The following KCNIP4 variants were observed in gnomAD, a reference collection of about 807,000 sequenced individuals.
The protein encoded by KCNIP4 is potassium voltage-gated channel interacting protein 4.
A neutral mutation model predicts 34.0 loss-of-function variants in KCNIP4; 12 were observed. The ratio of observed to expected loss-of-function variants is 0.35; its 90% confidence interval spans 0.23 to 0.57. The LOEUF is 0.57. Ranked by LOEUF, KCNIP4 falls within the 20% of genes least tolerant of loss-of-function variation. The pLI, the probability that KCNIP4 is intolerant of heterozygous loss-of-function variation, is 0.83. For synonymous variants in KCNIP4, 124 were observed against 102.2 expected (o/e 1.21, Z -1.29); for missense variants, 238 against 311.7 (o/e 0.76, Z 1.78).
chr4:20,847,957 GT>G (rs1428146060), intron 3 of KCNIP4, among the ~76,000 whole-genome samples: 1 of 152,156 alleles, frequency 6.6e-6, no homozygotes, highest in African/African-American at 2.4e-5. Flanking sequence ...AAGGCAGTTG[GT>G]TTGCTTTCTT....
intron 1 of KCNIP4, among the ~76,000 whole-genome samples, chr4:21,660,811 T>A (rs1015446870): frequency 6.6e-6 from 1 of 152,214 alleles, no homozygotes; most frequent in Admixed American, 6.5e-5. Context: ...GTTATTTTCA[T>A]TTATGTAGCA....
intron 1 of KCNIP4, among the ~76,000 whole-genome samples, chr4:21,058,209 C>T (rs1218786116): frequency 6.6e-6 from 1 of 151,846 alleles, no homozygotes; most frequent in Non-Finnish European, 1.5e-5. Context: ...TTTTAGTGGC[C>T]AATGAGGAAA....
At chr4:21,851,978 C>T (rs1379686986) in intron 1 of KCNIP4, 1 of 146,542 alleles carries the variant, frequency 6.8e-6, no homozygotes, top group Non-Finnish European at 1.5e-5. Flanking sequence ...CATAAAAAAC[C>T]TCTACAATTC....
At chr4:21,581,443 T>C (rs1055622068) in intron 1 of KCNIP4, among the ~76,000 whole-genome samples, 1 of 151,968 alleles carries the variant, frequency 6.6e-6, no homozygotes, top group Non-Finnish European at 1.5e-5. Flanking sequence ...GTAAAGAAGA[T>C]AGGAAGGTAA....
intron 2 of KCNIP4, among the ~76,000 whole-genome samples, chr4:20,852,262 A>G (rs1577253120): frequency 1.3e-5 from 2 of 152,212 alleles, no homozygotes; most frequent in South Asian, 4.1e-4. Context: ...ACAACATATC[A>G]AAAAGATAAT....
chr4:21,853,798 AGGTAAGAACTAGCTG>A (rs1028182642), intron 1 of KCNIP4, among the ~76,000 whole-genome samples: 2 of 152,202 alleles, frequency 1.3e-5, no homozygotes, highest in Non-Finnish European at 2.9e-5. Context: ...CAAACCTTCA[AGGTAAGAACTAGCTG>A]GGCTGCCACA....
chr4:21,860,487 T>C (rs1725007891), intron 1 of KCNIP4, among the ~76,000 whole-genome samples: 1 of 151,542 alleles, frequency 6.6e-6, no homozygotes, highest in African/African-American at 2.4e-5. Flanking sequence ...GAGATGACTA[T>C]AATTTTAAAT....
chr4:21,330,622 A>T (rs1049440938), intron 1 of KCNIP4, among the ~76,000 whole-genome samples: 1 of 152,198 alleles, frequency 6.6e-6, no homozygotes, highest in Non-Finnish European at 1.5e-5. Context: ...TCCTATTTGA[A>T]TTTAATTGAA....
intron 1 of KCNIP4, among the ~76,000 whole-genome samples, chr4:21,739,103 A>G (rs1164379265): frequency 6.6e-6 from 1 of 152,144 alleles, no homozygotes; most frequent in African/African-American, 2.4e-5. Flanking sequence ...AAGGAAGGAA[A>G]GGTAAAAATG....
chr4:21,767,527 A>G (rs977966513), intron 1 of KCNIP4, among the ~76,000 whole-genome samples: 1 of 152,052 alleles, frequency 6.6e-6, no homozygotes, highest in Non-Finnish European at 1.5e-5. Flanking sequence ...ATTATGCAAT[A>G]CTTTTAGGTT....
intron 1 of KCNIP4, among the ~76,000 whole-genome samples, chr4:21,084,433 A>G (rs149977513): frequency 1.3e-5 from 2 of 149,822 alleles, no homozygotes; most frequent in East Asian, 3.9e-4. Context: ...TCTAAATGAC[A>G]TTACGTGGGC....
chr4:20,759,900 T>G (rs2149360192), intron 3 of KCNIP4, among the ~76,000 whole-genome samples: 1 of 152,224 alleles, frequency 6.6e-6, no homozygotes, highest in Middle Eastern at 3.4e-3. Context: ...GGGGCATTGC[T>G]TCCAGGACCA....
In KCNIP4 at chr4:20,825,094, G is replaced by A. The variant is rs186188422; in HGVS notation, c.288+25449C>T. ...TAGTATCTCATCGTATTTCCCAAAG[G>A]TTTGCCAGGATAAACTTCAGAAGCA... On this transcript the variant is annotated intron_variant, in intron 3 of 8. Transcript: ENST00000382152. Among the ~76,000 whole-genome samples, 335 of 152,168 alleles carry A rather than the reference G, an allele frequency of 2.2e-3. 4 individuals are homozygous for A. Among genetic ancestry groups the A allele is most frequent in the African/African-American group, 7.5e-3 (313 of 41,500 alleles).
Position 21,910,479 on chromosome 4 carries a change from T to C in KCNIP4, c.61+38092A>G, listed in dbSNP as rs1468726157. Reference sequence around the variant, plus strand: ...CATATCCAGTCTCCTGATTTCATCATAGAATTAAATATAAGGCCTCATTTA... The same window carrying C: ...CATATCCAGTCTCCTGATTTCATCACAGAATTAAATATAAGGCCTCATTTA... On this transcript the variant is annotated intron_variant, in intron 1 of 8. Coordinates refer to ENST00000382152, the MANE Select transcript of KCNIP4 (RefSeq NM_025221.6). Among the ~76,000 whole-genome samples, 2 of 152,148 alleles carry C rather than the reference T, an allele frequency of 1.3e-5. 1 individual carries two copies. The highest frequency in any genetic ancestry group is 4.1e-4 in the South Asian group (2 of 4,834).
chr4:21,664,814 AC>A (rs1190968939), intron 1 of KCNIP4, among the ~76,000 whole-genome samples: 1 of 152,198 alleles, frequency 6.6e-6, no homozygotes, highest in Non-Finnish European at 1.5e-5. Flanking sequence ...TACTGTGAAG[AC>A]TTTTGTGCAT....
At chr4:21,914,444 C>T (rs1728516224) in intron 1 of KCNIP4, among the ~76,000 whole-genome samples, 1 of 152,134 alleles carries the variant, frequency 6.6e-6, no homozygotes, top group Non-Finnish European at 1.5e-5. Context: ...TTCTTCCACA[C>T]CCTGTGACAT....
intron 3 of KCNIP4, among the ~76,000 whole-genome samples, chr4:20,827,808 CA>C (rs11295104): frequency 0.21 from 30,317 of 142,388 alleles, 3,255 homozygotes; most frequent in South Asian, 0.41. Context: ...CCATCCCCCT[CA>C]AAAAAAAAAA....
At chr4:21,834,773 A>G (rs1329592639) in intron 1 of KCNIP4, among the ~76,000 whole-genome samples, 1 of 151,664 alleles carries the variant, frequency 6.6e-6, no homozygotes, top group Non-Finnish European at 1.5e-5. Context: ...TCCCATCAAT[A>G]CTTAATTTAT....
At chr4:21,208,974 A>T (rs2108972490) in intron 1 of KCNIP4, among the ~76,000 whole-genome samples, 1 of 152,206 alleles carries the variant, frequency 6.6e-6, no homozygotes, top group Non-Finnish European at 1.5e-5. Context: ...AGAGAACAGC[A>T]TGGGGGAAAC....
Sources: allele counts gnomAD v4.1 joint callset (sites outside exome capture counted in the v4.1 genomes callset), GRCh38; gene constraint gnomAD v4.1.1; transcripts MANE v1.5; gene names NCBI Gene and HGNC (gene_info 2026-07-23, HGNC 2026-07-21).